The following SPATA17 variants were observed in gnomAD, a reference collection of about 807,000 sequenced individuals.
SPATA17 encodes spermatogenesis-associated protein 17.
A neutral mutation model predicts 62.2 loss-of-function variants in SPATA17; 53 were observed. The ratio of observed to expected loss-of-function variants is 0.85; its 90% CI spans 0.68 to 1.07. SPATA17 has a LOEUF of 1.07. SPATA17 is among the 50% of genes least tolerant of loss of function. The pLI is 0.00. For missense variants in SPATA17, 466 were observed against 425.5 expected (o/e 1.10, Z -0.84); for synonymous variants, 146 against 146.8 (o/e 0.99, Z 0.04).
At chr1:217,779,041 T>C (rs930780424) in intron 7 of SPATA17, among the ~76,000 whole-genome samples, 1 of 151,916 alleles carries the variant, frequency 6.6e-6, no homozygotes, top group African/African-American at 2.4e-5. Context: ...TATAGGTATA[T>C]GGAAAATATA....
At chr1:217,850,392 A>T (rs958123863) in intron 9 of SPATA17, 79 of 1,051,290 alleles carry the variant, frequency 7.5e-5, no homozygotes, top group East Asian at 7.2e-4. Flanking sequence ...CAAATGCAAG[A>T]CTGAAGAACT....
chr1:217,794,132 GAAAGAAAGAA>G (rs1021821522), intron 8 of SPATA17, among the ~76,000 whole-genome samples: 5 of 146,730 alleles, frequency 3.4e-5, no homozygotes, highest in South Asian at 2.2e-4. Context: ...AAAAAAAAAA[GAAAGAAAGAA>G]AAAGAAAGAA....
chr1:217,742,210 C>T, intron 6 of SPATA17, 112 bp downstream of exon 6: 3 of 1,358,480 alleles, frequency 2.2e-6, no homozygotes, highest in Non-Finnish European at 3.0e-6. Context: ...ATCACAAAGA[C>T]ACTACTTCGA....
Position 217,670,232 on chromosome 1 carries a change from T to C in SPATA17, c.291+1149T>C, listed in dbSNP as rs116890988. On this transcript the variant is annotated intron_variant, in intron 4 of 10. Coordinates refer to ENST00000366933, the MANE Select transcript of SPATA17 (RefSeq NM_138796.4). ...TTTTCTTCTTACTTCATGTCAGATG[T>C]ATCTCCAAAATAAAAAGTCATAGAT... Among the ~76,000 whole-genome samples the C allele has an allele frequency of 3.3e-4, 50 of 152,294 alleles. 1 individual carries two copies. In the East Asian group the frequency reaches 6.8e-3, roughly 21 times the overall value.
At chr1:217,775,184 C>T (rs902557249) in intron 7 of SPATA17, among the ~76,000 whole-genome samples, 15 of 152,224 alleles carry the variant, frequency 9.9e-5, no homozygotes, top group African/African-American at 3.4e-4. Context: ...TAATTGTTAG[C>T]GATGTTGAGA....
At chr1:217,754,736 C>T (rs887510740) in intron 6 of SPATA17, among the ~76,000 whole-genome samples, 2 of 152,084 alleles carry the variant, frequency 1.3e-5, no homozygotes, top group African/African-American at 4.8e-5. Context: ...ATCTGGCAGC[C>T]AGATTTTAAA....
At chr1:217,783,612 T>C (rs1279948457) in intron 8 of SPATA17, among the ~76,000 whole-genome samples, 1 of 152,126 alleles carries the variant, frequency 6.6e-6, no homozygotes, top group Non-Finnish European at 1.5e-5. Context: ...GATGATTATC[T>C]AAAGAGTTAT....
chr1:217,783,948 T>G (rs1673793142), intron 8 of SPATA17, among the ~76,000 whole-genome samples: 1 of 152,096 alleles, frequency 6.6e-6, no homozygotes, highest in Non-Finnish European at 1.5e-5. Flanking sequence ...TCTAAGATTT[T>G]CAACCAATCA....
intron 8 of SPATA17, among the ~76,000 whole-genome samples, chr1:217,786,794 T>TCTTCTC (rs1558050862): frequency 1.8e-4 from 27 of 151,088 alleles, no homozygotes; most frequent in African/African-American, 6.6e-4. Context: ...TTCTTCTTCT[T>TCTTCTC]CTTCTTCTTC....
At chr1:217,807,167 C>T (rs1197267953) in intron 9 of SPATA17, among the ~76,000 whole-genome samples, 2 of 151,108 alleles carry the variant, frequency 1.3e-5, no homozygotes, top group African/African-American at 4.9e-5. Flanking sequence ...AAATCAAATA[C>T]TGCATGTTCT....
At chr1:217,691,162 A>C (rs939857353) in intron 5 of SPATA17, among the ~76,000 whole-genome samples, 11 of 149,068 alleles carry the variant, frequency 7.4e-5, no homozygotes, top group Non-Finnish European at 1.6e-4. Context: ...TTGTTTCCTG[A>C]CTTTTTAATG....
chr1:217,639,901 T>A (rs1293103805), intron 1 of SPATA17, among the ~76,000 whole-genome samples: 4 of 152,036 alleles, frequency 2.6e-5, no homozygotes, highest in African/African-American at 9.7e-5. Context: ...CCAAAGCCAA[T>A]ACCATAATGT....
chr1:217,751,253 A>G (rs1340839616), intron 6 of SPATA17, among the ~76,000 whole-genome samples: 1 of 152,188 alleles, frequency 6.6e-6, no homozygotes, highest in African/African-American at 2.4e-5. Context: ...GCAATTTATT[A>G]TATCTATTTT....
intron 9 of SPATA17, among the ~76,000 whole-genome samples, chr1:217,852,187 T>C (rs1157155041): frequency 3.3e-5 from 5 of 152,192 alleles, no homozygotes; most frequent in Admixed American, 2.6e-4. Context: ...TTGCCATCTT[T>C]AAAAAAATTG....
chr1:217,813,646 A>G (rs959772457), intron 9 of SPATA17, among the ~76,000 whole-genome samples: 5 of 152,106 alleles, frequency 3.3e-5, no homozygotes, highest in African/African-American at 1.2e-4. Context: ...TACTCAGTTT[A>G]AGTGCTTTTT....
At chr1:217,780,167 A>T (rs1016761587) in intron 7 of SPATA17, among the ~76,000 whole-genome samples, 38 of 152,136 alleles carry the variant, frequency 2.5e-4, no homozygotes, top group African/African-American at 9.2e-4. Flanking sequence ...CACTCTAGGC[A>T]TGACTGGGAT....
chr1:217,694,749 T>C (rs1279132664), intron 5 of SPATA17, among the ~76,000 whole-genome samples: 7 of 149,924 alleles, frequency 4.7e-5, no homozygotes, highest in Non-Finnish European at 9.0e-5. Flanking sequence ...CCTTCACTTA[T>C]GAAGCTTAGT....
intron 5 of SPATA17, among the ~76,000 whole-genome samples, chr1:217,700,043 C>G (rs1454880053): frequency 6.6e-6 from 1 of 152,168 alleles, no homozygotes; most frequent in Non-Finnish European, 1.5e-5. Flanking sequence ...ACTGACAAAA[C>G]ACACTATCTT....
chr1:217,640,776 C>A (rs1215822254), intron 1 of SPATA17, among the ~76,000 whole-genome samples: 4 of 151,394 alleles, frequency 2.6e-5, no homozygotes, highest in Non-Finnish European at 4.4e-5. Context: ...ATCTCTGAGA[C>A]AAAATAAGGT....
Sources: allele counts gnomAD v4.1 joint callset (sites outside exome capture counted in the v4.1 genomes callset), GRCh38; gene constraint gnomAD v4.1.1; transcripts MANE v1.5; gene names NCBI Gene and HGNC (gene_info 2026-07-23, HGNC 2026-07-21).